The following LSAMP variants were observed in gnomAD, a reference collection of about 807,000 sequenced individuals.
LSAMP encodes limbic system-associated membrane protein.
LSAMP carries 7 observed loss-of-function variants against 38.6 expected under a neutral mutation model. The observed-to-expected ratio is 0.18, with a 90% CI of 0.10 to 0.34. The LOEUF (loss-of-function observed/expected upper bound fraction) is 0.34, where lower values mean the gene tolerates loss of function less well. Among genes scored for constraint, LSAMP ranks in the 10% least tolerant of loss-of-function variants. The pLI is 1.00. For missense variants in LSAMP, 313 were observed against 420.0 expected (o/e 0.75, Z 2.23); for synonymous variants, 154 against 166.8 (o/e 0.92, Z 0.59).
At chr3:116,424,429 CG>C in intron 1 of LSAMP, among the ~76,000 whole-genome samples, 1 of 152,210 alleles carries the variant, frequency 6.6e-6, no homozygotes, top group South Asian at 2.1e-4. Context: ...TTTCCATAGT[CG>C]TACCTTCTCC....
intron 6 of LSAMP, among the ~76,000 whole-genome samples, chr3:115,815,006 G>T (rs1357700032): frequency 6.6e-6 from 1 of 152,100 alleles, no homozygotes; most frequent in African/African-American, 2.4e-5. Context: ...GCTTCCTCTG[G>T]GTGAATGAAC....
At chr3:115,869,351 C>T (rs368958042) in intron 3 of LSAMP, among the ~76,000 whole-genome samples, 1 of 150,752 alleles carries the variant, frequency 6.6e-6, no homozygotes, top group Non-Finnish European at 1.5e-5. Flanking sequence ...GAATGGCTCT[C>T]CCTTTGAAAT....
chr3:115,825,178 TC>T (rs1282475427), intron 6 of LSAMP, among the ~76,000 whole-genome samples: 3 of 152,184 alleles, frequency 2.0e-5, no homozygotes, highest in African/African-American at 7.2e-5. Context: ...TTTTTAAAGC[TC>T]CTGGAAATAA....
At chr3:115,908,229 A>G (rs1194540230) in intron 3 of LSAMP, among the ~76,000 whole-genome samples, 1 of 151,832 alleles carries the variant, frequency 6.6e-6, no homozygotes. Flanking sequence ...CCCTCAGTTT[A>G]TATATATATA....
chr3:116,266,482 A>G (rs749530726), intron 1 of LSAMP, among the ~76,000 whole-genome samples: 48 of 152,228 alleles, frequency 3.2e-4, no homozygotes, highest in Non-Finnish European at 6.2e-4. Context: ...AATGTATTTG[A>G]TTTACAGGAG....
chr3:115,805,738 T>C lies in LSAMP; in HGVS notation c.*4579A>G, dbSNP rs894186025. The C allele has an allele frequency of 6.6e-6, 1 of 152,244 alleles. No homozygotes were observed. Among genetic ancestry groups the C allele is most frequent in the African/African-American group, 2.4e-5 (1 of 41,466 alleles). The allele number at this position is 152,244 out of a possible 1,614,324, so 9.4% of individuals were successfully genotyped here. A position where few individuals can be genotyped will look rare whatever the true frequency, so the allele number is the denominator to read the frequency against. ...GTTGGCGACATTTGAACAGCATAGC[T>C]ACATGCAAATGAGAATAGTTTACTT... is the stretch of plus-strand genomic sequence containing the variant. On this transcript the variant is annotated 3_prime_UTR_variant, in exon 7 of 7. Transcript: ENST00000490035.
intron 1 of LSAMP, among the ~76,000 whole-genome samples, chr3:116,222,105 A>T (rs1274994680): frequency 2.6e-5 from 4 of 152,004 alleles, no homozygotes; most frequent in South Asian, 4.1e-4. Flanking sequence ...GGGTTTATAC[A>T]AGCCTACTGA....
At chr3:115,922,904 A>C (rs1257914012) in intron 3 of LSAMP, among the ~76,000 whole-genome samples, 4 of 152,200 alleles carry the variant, frequency 2.6e-5, no homozygotes, top group African/African-American at 9.7e-5. Context: ...TTATAGCAGC[A>C]GACTACCAAG....
rs576199372 is a variant in LSAMP at position 116,423,524 on chromosome 3, C to T, written c.155+21353G>A. Among the ~76,000 whole-genome samples, 34 of 152,276 alleles carry T rather than the reference C, an allele frequency of 2.2e-4. 1 individual carries two copies. The highest frequency in any genetic ancestry group is 8.2e-4 in the African/African-American group (34 of 41,566). On this transcript the variant is annotated intron_variant, in intron 1 of 6. Coordinates refer to ENST00000490035, the MANE Select transcript of LSAMP (RefSeq NM_002338.5). ...GAAAGCTTTATTGGCTTTCCTATCC[C>T]TCCTCCTCTTTTTCCCCTCCATCCC...
intron 2 of LSAMP, among the ~76,000 whole-genome samples, chr3:116,027,416 A>T (rs2107698608): frequency 6.6e-6 from 1 of 152,264 alleles, no homozygotes; most frequent in Middle Eastern, 3.4e-3. Context: ...GCTGAAGTAA[A>T]GTTTTTCTGT....
At chr3:116,330,058 G>C (rs1323519727) in intron 1 of LSAMP, among the ~76,000 whole-genome samples, 3 of 152,076 alleles carry the variant, frequency 2.0e-5, no homozygotes, top group Admixed American at 1.3e-4. Context: ...TCTTTGCATA[G>C]TGTTCAGTTA....
rs539083637 is a variant in LSAMP at position 116,071,957 on chromosome 3, C to T, written c.388+14367G>A. Among the ~76,000 whole-genome samples the T allele has an allele frequency of 1.0e-3, 157 of 151,216 alleles. 1 individual carries two copies. The highest frequency in any genetic ancestry group is 1.6e-3 in the Admixed American group (25 of 15,178). ...TTCCTTTTTGTGGCTGCATAGTATT[C>T]CATGGTGTATATGTAGCTTTTTTTT... On this transcript the variant is annotated intron_variant, in intron 2 of 6. Coordinates refer to ENST00000490035, the MANE Select transcript of LSAMP (RefSeq NM_002338.5).
chr3:115,990,526 T>C (rs546202343), intron 3 of LSAMP, among the ~76,000 whole-genome samples: 1 of 152,218 alleles, frequency 6.6e-6, no homozygotes, highest in East Asian at 1.9e-4. Context: ...TTATTTTCTT[T>C]CTAGCCATCT....
chr3:115,848,355 C>G lies in LSAMP; in HGVS notation c.649+4128G>C, dbSNP rs528324248. Among the ~76,000 whole-genome samples the G allele has an allele frequency of 2.6e-5, 4 of 152,318 alleles. No homozygotes were observed. In the East Asian group the frequency reaches 7.7e-4, roughly 29 times the overall value. On this transcript the variant is annotated intron_variant, in intron 4 of 6. Coordinates refer to ENST00000490035, the MANE Select transcript of LSAMP (RefSeq NM_002338.5). The stretch of plus-strand genomic sequence containing the variant: ...ATGAGAATTGCTTGAACCCAGGAGG[C>G]AGACGTTGCAGTTAGCTGAGATTGG...
intron 1 of LSAMP, among the ~76,000 whole-genome samples, chr3:116,326,965 G>A (rs1206617570): frequency 6.6e-6 from 1 of 152,042 alleles, no homozygotes; most frequent in African/African-American, 2.4e-5. Flanking sequence ...GGTTAATCTT[G>A]GTGAGAAAGG....
At chr3:115,863,748 A>G (rs1935779741) in intron 3 of LSAMP, among the ~76,000 whole-genome samples, 1 of 151,954 alleles carries the variant, frequency 6.6e-6, no homozygotes, top group African/African-American at 2.4e-5. Context: ...TACCTTTATA[A>G]TGCAATATTT....
intron 2 of LSAMP, among the ~76,000 whole-genome samples, chr3:116,077,256 A>C (rs964908082): frequency 3.3e-5 from 5 of 151,956 alleles, no homozygotes; most frequent in African/African-American, 1.2e-4. Flanking sequence ...GTTACGTAAT[A>C]ATAATGATTG....
At chr3:115,985,652 C>T (rs1939489357) in intron 3 of LSAMP, among the ~76,000 whole-genome samples, 1 of 152,208 alleles carries the variant, frequency 6.6e-6, no homozygotes, top group Non-Finnish European at 1.5e-5. Context: ...TGCTCACTCA[C>T]TGGCTTTCAC....
chr3:115,894,415 G>C (rs1936678477), intron 3 of LSAMP, among the ~76,000 whole-genome samples: 1 of 152,018 alleles, frequency 6.6e-6, no homozygotes, highest in South Asian at 2.1e-4. Flanking sequence ...GTACTCTCTG[G>C]ATGAAGGAAT....
Sources: gnomAD v4.1 joint callset for allele counts (sites outside exome capture counted in the v4.1 genomes callset) on GRCh38, gnomAD v4.1.1 for gene constraint, MANE v1.5 for transcripts, NCBI Gene and HGNC (gene_info 2026-07-23, HGNC 2026-07-21) for gene names.